FRMD4A: variants seen among roughly 807,000 people sequenced by gnomAD.
FRMD4A encodes the protein FERM domain containing 4A.
A neutral mutation model predicts 129.1 loss-of-function variants in FRMD4A; 29 were observed. That is an observed-to-expected ratio of 0.22 (90% CI 0.17 to 0.31). The LOEUF is 0.31. Ranked by LOEUF, FRMD4A falls within the 10% of genes least tolerant of loss-of-function variation. The probability of loss-of-function intolerance (pLI) is 1.00; values close to 1 mark genes in which losing one functional copy is unlikely to be tolerated. For missense variants in FRMD4A, 1,272 were observed against 1,375.8 expected (o/e 0.92, Z 1.19); for synonymous variants, 634 against 571.6 (o/e 1.11, Z -1.56).
At chr10:14,186,151 A>AG (rs1350830061) in intron 2 of FRMD4A, among the ~76,000 whole-genome samples, 1 of 149,264 alleles carries the variant, frequency 6.7e-6, no homozygotes, top group African/African-American at 2.4e-5. Context: ...AAGAAAAAGA[A>AG]AAAAAAAAAA....
At chr10:14,017,099 T>C (rs978504920) in intron 2 of FRMD4A, among the ~76,000 whole-genome samples, 4 of 152,236 alleles carry the variant, frequency 2.6e-5, no homozygotes, top group African/African-American at 9.6e-5. Context: ...TCAGTGGCTA[T>C]AGCCTGGCTA....
intron 14 of FRMD4A, among the ~76,000 whole-genome samples, chr10:13,696,468 C>T (rs934314713): frequency 2.0e-5 from 3 of 152,188 alleles, no homozygotes; most frequent in Non-Finnish European, 4.4e-5. Flanking sequence ...TAGAGCTGGG[C>T]ATGGTGGCTC....
intron 2 of FRMD4A, among the ~76,000 whole-genome samples, chr10:14,303,032 C>T (rs569765030): frequency 6.6e-6 from 1 of 152,288 alleles, no homozygotes; most frequent in African/African-American, 2.4e-5. Context: ...CAAACAATGT[C>T]AATGCAAGAT....
chr10:13,657,654 G>C, intron 21 of FRMD4A, 132 bp from the exon 22 acceptor site: 1 of 1,304,574 alleles, frequency 7.7e-7, no homozygotes, highest in East Asian at 2.6e-5. Context: ...CAGCAAGCCA[G>C]AGTCTCACTC....
intron 2 of FRMD4A, among the ~76,000 whole-genome samples, chr10:14,004,559 A>G (rs1232253715): frequency 6.6e-6 from 1 of 151,658 alleles, no homozygotes; most frequent in Non-Finnish European, 1.5e-5. Context: ...AAACAAACAG[A>G]AAAAAAAAGA....
rs144000123 is a variant in FRMD4A at position 14,290,522 on chromosome 10, C to T, written c.45+39536G>A. On this transcript the variant is annotated intron_variant, in intron 2 of 24. Transcript: ENST00000357447. ...AAATGGTATTGTGAAAATTGAAAAA[C>T]CACACACAAAAGAATAAAACTGGAC... Among the ~76,000 whole-genome samples, 134 of 152,044 alleles carry T rather than the reference C, an allele frequency of 8.8e-4. 1 individual carries two copies. Among genetic ancestry groups the T allele is most frequent in the African/African-American group, 3.1e-3 (127 of 41,498 alleles).
In FRMD4A at chr10:13,657,036, G is replaced by T; in HGVS notation, c.2553C>A (p.Arg851=). 6.4e-7 allele frequency: 1 copy of T among 1,570,944 alleles called. No homozygotes were observed. ...IEGGATPVVV[R]SLESDQEGHY... ...GGCCCTCCTGGTCGCTCTCCAGGCT[G>T]CGCACCACCACGGGCGTGGCGCCGC... is the stretch of plus-strand genomic sequence containing the variant. Residue 851 remains arginine (R), a synonymous_variant, in exon 22 of 25, where the codon CGC becomes CGA. Coordinates refer to ENST00000357447, the MANE Select transcript of FRMD4A (RefSeq NM_018027.5).
rs188956157 is a variant in FRMD4A at position 14,235,298 on chromosome 10, G to A, written c.45+94760C>T. ...CCGAGCAGCTGAGTCCCTGGTGCCC[G>A]CCACCATGCCCAGCTAATTTTTTCT... On this transcript the variant is annotated intron_variant, in intron 2 of 24. Coordinates refer to ENST00000357447, the MANE Select transcript of FRMD4A (RefSeq NM_018027.5). Among the ~76,000 whole-genome samples, 33 of 138,292 alleles carry A rather than the reference G, an allele frequency of 2.4e-4. 5 individuals carry two copies. The highest frequency in any genetic ancestry group is 7.7e-4 in the African/African-American group (29 of 37,856). 90.7% of individuals were successfully genotyped at this position (138,292 alleles called of 152,430 possible).
At chr10:14,088,628 C>T (rs572628879) in intron 2 of FRMD4A, among the ~76,000 whole-genome samples, 3 of 151,194 alleles carry the variant, frequency 2.0e-5, no homozygotes, top group Non-Finnish European at 4.4e-5. Flanking sequence ...ACTAGCCGGA[C>T]GTGATGGCGC....
chr10:13,685,251 C>T (rs2084960893), intron 15 of FRMD4A: 17 of 985,046 alleles, frequency 1.7e-5, no homozygotes, highest in Non-Finnish European at 2.0e-5. Context: ...CTTTGAAAAC[C>T]AAGCACCTTT....
At chr10:13,779,942 G>A (rs76947307) in intron 6 of FRMD4A, among the ~76,000 whole-genome samples, 2,710 of 152,316 alleles carry the variant, frequency 0.018, 74 homozygotes, top group African/African-American at 0.061. Flanking sequence ...CCCTAAGGGG[G>A]TGTGACGGAG....
chr10:14,282,367 C>T (rs1413533466), intron 2 of FRMD4A, among the ~76,000 whole-genome samples: 1 of 152,178 alleles, frequency 6.6e-6, no homozygotes, highest in Non-Finnish European at 1.5e-5. Flanking sequence ...AACTCTCCTG[C>T]TTGCAGACAA....
intron 15 of FRMD4A, among the ~76,000 whole-genome samples, chr10:13,690,018 T>C (rs1178008403): frequency 6.6e-6 from 1 of 152,150 alleles, no homozygotes; most frequent in Admixed American, 6.5e-5. Context: ...CAAAATGCTT[T>C]TAAGGAACAA....
In FRMD4A at chr10:13,954,364, A is replaced by G. The variant is rs1023781468; in HGVS notation, c.46-95452T>C. Among the ~76,000 whole-genome samples, 31 of 152,230 alleles carry G rather than the reference A, an allele frequency of 2.0e-4. 1 individual carries two copies. The highest frequency in any genetic ancestry group is 5.9e-5 in the Non-Finnish European group (4 of 68,040). On this transcript the variant is annotated intron_variant, in intron 2 of 24. Coordinates refer to ENST00000357447, the MANE Select transcript of FRMD4A (RefSeq NM_018027.5). ...AGGCAAAAGGCATGTCTTACATGGC[A>G]GCAGGCAAGAGAGAGCGTGTGCGGG...
In FRMD4A at chr10:13,677,953, G is replaced by A. The variant is rs200116795; in HGVS notation, c.1118-2909C>T. ...ATTCATTGTTTTCCCTTTCACCCCT[G>A]CCTAACCTCTCAATAGGAAATAATG... On this transcript the variant is annotated intron_variant, in intron 15 of 24. Coordinates refer to ENST00000357447, the MANE Select transcript of FRMD4A (RefSeq NM_018027.5). Among the ~76,000 whole-genome samples, 11 of 152,232 alleles carry A rather than the reference G, an allele frequency of 7.2e-5. 1 individual carries two copies. In the East Asian group the frequency reaches 1.9e-3, roughly 27 times the overall value.
chr10:13,766,347 G>C (rs183302320), intron 6 of FRMD4A, among the ~76,000 whole-genome samples: 69 of 152,316 alleles, frequency 4.5e-4, no homozygotes, highest in South Asian at 1.7e-3. Flanking sequence ...CGGGTGAAAA[G>C]CCTGACCTTG....
chr10:13,903,868 G>A (rs973736064), intron 2 of FRMD4A, among the ~76,000 whole-genome samples: 1 of 151,768 alleles, frequency 6.6e-6, no homozygotes, highest in Non-Finnish European at 1.5e-5. Flanking sequence ...GGGTGACAGC[G>A]ACAGCTTGTC....
At chr10:13,835,737 A>G (rs957305274) in intron 3 of FRMD4A, among the ~76,000 whole-genome samples, 2 of 152,156 alleles carry the variant, frequency 1.3e-5, no homozygotes, top group East Asian at 1.9e-4. Flanking sequence ...CTGATAGGAC[A>G]TTATGGTAAG....
At chr10:13,880,270 G>A (rs931981352) in intron 2 of FRMD4A, among the ~76,000 whole-genome samples, 16 of 152,070 alleles carry the variant, frequency 1.1e-4, no homozygotes, top group Admixed American at 7.9e-4. Context: ...GCTCTGCCTC[G>A]TCATCTCCAT....
Sources: allele counts gnomAD v4.1 joint callset (sites outside exome capture counted in the v4.1 genomes callset), GRCh38; gene constraint gnomAD v4.1.1; transcripts MANE v1.5; gene names NCBI Gene and HGNC (gene_info 2026-07-23, HGNC 2026-07-21).